Variants in NUP210L observed in about 807,000 individuals in gnomAD.
NUP210L encodes the protein nuclear pore membrane glycoprotein 210-like.
NUP210L carries 74 observed loss-of-function variants against 208.5 expected under a neutral mutation model. The observed-to-expected ratio is 0.35, with a 90% CI of 0.29 to 0.43. NUP210L has a LOEUF of 0.43. NUP210L is among the 20% of genes least tolerant of loss of function. The pLI is 1.00. For missense variants in NUP210L, 1,843 were observed against 2,289.4 expected, an observed-to-expected ratio of 0.81 and a Z score of 3.98; for synonymous variants, 780 against 816.9, an observed-to-expected ratio of 0.95 and a Z score of 0.77.
At chr1:154,092,232 C>T (rs576250781) in intron 15 of NUP210L, among the ~76,000 whole-genome samples, 123 of 150,216 alleles carry the variant, frequency 8.2e-4, no homozygotes, top group African/African-American at 2.3e-3. Flanking sequence ...CGCGCCACCA[C>T]GCCTGGCTAA....
At chr1:154,037,467 A>C (rs2147955371) in intron 27 of NUP210L, among the ~76,000 whole-genome samples, 1 of 152,172 alleles carries the variant, frequency 6.6e-6, no homozygotes, top group South Asian at 2.1e-4. Context: ...TTTTGTCTTG[A>C]AATCTATTTT....
chr1:154,060,442 T>G (rs1654075295), intron 20 of NUP210L, 98 bp downstream of exon 20: 1 of 727,604 alleles, frequency 1.4e-6, no homozygotes, highest in Admixed American at 2.6e-5. Flanking sequence ...AAATGTTACT[T>G]CTGTAACAAG....
At chr1:154,075,677 A>G (rs1453765922) in intron 16 of NUP210L, among the ~76,000 whole-genome samples, 1 of 152,172 alleles carries the variant, frequency 6.6e-6, no homozygotes, top group Non-Finnish European at 1.5e-5. Flanking sequence ...TTAACAAAAG[A>G]TTATTAGAAA....
intron 37 of NUP210L, among the ~76,000 whole-genome samples, chr1:153,997,336 T>G (rs1216716975): frequency 6.6e-6 from 1 of 151,874 alleles, no homozygotes; most frequent in Non-Finnish European, 1.5e-5. Flanking sequence ...AGATGAGGTC[T>G]CTCTATGTTG....
At chr1:154,131,964 C>A (rs1357246312) in intron 7 of NUP210L, among the ~76,000 whole-genome samples, 1 of 152,038 alleles carries the variant, frequency 6.6e-6, no homozygotes, top group Non-Finnish European at 1.5e-5. Context: ...CGTGCATCAC[C>A]ACGCCCTGCT....
chr1:154,142,969 ACC>A (rs1658930824), intron 3 of NUP210L, among the ~76,000 whole-genome samples: 1 of 151,946 alleles, frequency 6.6e-6, no homozygotes, highest in Non-Finnish European at 1.5e-5. Flanking sequence ...CGGGTGGATC[ACC>A]TGAGGTCAGG....
At chr1:154,112,500 C>T (rs1159183219) in intron 12 of NUP210L, among the ~76,000 whole-genome samples, 1 of 152,076 alleles carries the variant, frequency 6.6e-6, no homozygotes, top group Non-Finnish European at 1.5e-5. Flanking sequence ...ATGGATACTC[C>T]GTTTACCCTG....
At chr1:154,055,191 T>C (rs867133142) in intron 23 of NUP210L, among the ~76,000 whole-genome samples, 10 of 135,156 alleles carry the variant, frequency 7.4e-5, no homozygotes, top group East Asian at 4.4e-4. Flanking sequence ...TTCTTTCTTT[T>C]TCTTTCTTTC....
intron 35 of NUP210L, among the ~76,000 whole-genome samples, chr1:154,007,718 G>A (rs533389433): frequency 2.4e-4 from 36 of 151,582 alleles, no homozygotes; most frequent in Non-Finnish European, 4.0e-4. Context: ...GACTACAGGC[G>A]CCTGCCAACA....
chr1:154,037,699 T>A (rs1363440081), intron 27 of NUP210L, among the ~76,000 whole-genome samples: 1 of 152,102 alleles, frequency 6.6e-6, no homozygotes, highest in Non-Finnish European at 1.5e-5. Context: ...AGATGGAGAC[T>A]TGCTCCTCGC....
In NUP210L at chr1:154,008,577, C is replaced by T. The variant is rs184366883; in HGVS notation, c.4930+1395G>A. On this transcript the variant is annotated intron_variant, in intron 35 of 39. Coordinates refer to ENST00000368559, the Ensembl canonical transcript of NUP210L. ...CAAAAATTATCTGGGCGTGGTGACA[C>T]GCGCCTGTAATCCCAGCTACTCAGG... Among the ~76,000 whole-genome samples the T allele has an allele frequency of 3.0e-3, 452 of 152,112 alleles. 8 individuals are homozygous for T. The highest frequency in any genetic ancestry group is 0.01 in the African/African-American group (429 of 41,524).
Position 154,023,233 on chromosome 1 carries a change from G to T in NUP210L, c.4187C>A (p.Thr1396Asn), listed in dbSNP as rs756817954. ...CATGCCCAAGGGAAATGCTGACAGG[G>T]TCCTTCCTTGGGCTGTGTATAGCTT... Residue 1396 changes from threonine to asparagine, a missense_variant, in exon 31 of 40, where the codon ACC (threonine) becomes AAC (asparagine). Transcript: ENST00000368559. 9 of 1,613,800 alleles carry T rather than the reference G, an allele frequency of 5.6e-6. No homozygotes were observed. The Admixed American group carries it at 1.0e-4, about 18-fold the overall frequency.
At chr1:154,002,251 T>G (rs1650262101) in intron 35 of NUP210L, among the ~76,000 whole-genome samples, 1 of 152,124 alleles carries the variant, frequency 6.6e-6, no homozygotes. Flanking sequence ...GGTCTCACTG[T>G]GTCGTGCAGG....
chr1:154,085,471 A>G (rs1277898612), intron 16 of NUP210L, among the ~76,000 whole-genome samples: 3 of 152,188 alleles, frequency 2.0e-5, no homozygotes, highest in Non-Finnish European at 4.4e-5. Flanking sequence ...AACAGGAAAC[A>G]TTGTTGAAAG....
rs139708877 is a variant in NUP210L at position 154,086,592 on chromosome 1, T to C, written c.2361+2829A>G. 1.7e-3 allele frequency among the ~76,000 whole-genome samples: 257 copies of C among 150,582 alleles called. 1 individual carries two copies. Among genetic ancestry groups the C allele is most frequent in the Middle Eastern group, 0.014 (4 of 292 alleles). On this transcript the variant is annotated intron_variant, in intron 16 of 39. Coordinates refer to ENST00000368559, the Ensembl canonical transcript of NUP210L. Reference sequence around the variant, plus strand: ...TTGGGAGGCCAAGGCCGGAGTATCATTCGAGGCCAGGAGTTTGAGACCAGC... The same window carrying C: ...TTGGGAGGCCAAGGCCGGAGTATCACTCGAGGCCAGGAGTTTGAGACCAGC...
chr1:154,057,038 G>T, intron 22 of NUP210L, 91 bp from the exon 23 acceptor site: 1 of 1,289,966 alleles, frequency 7.8e-7, no homozygotes, highest in Non-Finnish European at 1.1e-6. Flanking sequence ...GAGTGCAGTG[G>T]CATGATCTCA....
At chr1:154,092,867 G>C (rs928215617) in intron 15 of NUP210L, among the ~76,000 whole-genome samples, 1 of 152,096 alleles carries the variant, frequency 6.6e-6, no homozygotes, top group Non-Finnish European at 1.5e-5. Context: ...TAGGACTACA[G>C]GTGTCTGCCA....
At chr1:154,065,400 G>A (rs998845846) in intron 17 of NUP210L, among the ~76,000 whole-genome samples, 3 of 152,204 alleles carry the variant, frequency 2.0e-5, no homozygotes, top group Admixed American at 6.5e-5. Flanking sequence ...CAGCCTGGGA[G>A]ACAGAATAAT....
chr1:154,115,271 C>A (rs1380964880), intron 12 of NUP210L, among the ~76,000 whole-genome samples: 6 of 152,144 alleles, frequency 3.9e-5, no homozygotes, highest in African/African-American at 1.4e-4. Context: ...TTGTCTACAG[C>A]AAGGATTGGC....
Sources: gnomAD v4.1 joint callset for allele counts (sites outside exome capture counted in the v4.1 genomes callset) on GRCh38, gnomAD v4.1.1 for gene constraint, MANE v1.5 for transcripts, NCBI Gene and HGNC (gene_info 2026-07-23, HGNC 2026-07-21) for gene names.